GPHN: variants seen among roughly 807,000 people sequenced by gnomAD.
GPHN encodes the protein gephyrin.
A neutral mutation model predicts 95.5 loss-of-function variants in GPHN; 17 were observed. The ratio of observed to expected loss-of-function variants is 0.18; its 90% CI spans 0.12 to 0.27. GPHN has a LOEUF of 0.27. Among genes scored for constraint, GPHN ranks in the 10% least tolerant of loss-of-function variants. The pLI is 1.00. For missense variants in GPHN, 660 were observed against 978.1 expected, an observed-to-expected ratio of 0.67 and a Z score of 4.34; for synonymous variants, 320 against 322.5, an observed-to-expected ratio of 0.99 and a Z score of 0.08.
At chr14:67,692,982 C>A in the GPHN span, 2 of 1,614,134 alleles carry the variant, frequency 1.2e-6, no homozygotes, top group Non-Finnish European at 1.7e-6. Context: ...CCTGTATTAG[C>A]TCCTGTGACC....
the GPHN span, among the ~76,000 whole-genome samples, chr14:67,597,872 G>A: frequency 6.6e-6 from 1 of 152,126 alleles, no homozygotes; most frequent in African/African-American, 2.4e-5. Flanking sequence ...TTAGTTGAAA[G>A]GGAAGGGGGA....
intron 9 of GPHN, chr14:66,985,573 C>T (rs1031445198): frequency 5.8e-6 from 4 of 688,564 alleles, no homozygotes; most frequent in African/African-American, 5.4e-5. Flanking sequence ...AGAGCTACCA[C>T]AGAGAGTCAA....
At chr14:67,625,400 C>T in the GPHN span, among the ~76,000 whole-genome samples, 11 of 152,130 alleles carry the variant, frequency 7.2e-5, no homozygotes, top group East Asian at 1.5e-3. Flanking sequence ...AAGTGGGGGC[C>T]AGGCACGGTG....
chr14:67,416,574 A>G, the GPHN span, among the ~76,000 whole-genome samples: 1 of 152,244 alleles, frequency 6.6e-6, no homozygotes, highest in Non-Finnish European at 1.5e-5. Flanking sequence ...GCTATGCCCA[A>G]GGCCATCCAG....
chr14:67,352,898 C>T, the GPHN span: 5 of 1,496,554 alleles, frequency 3.3e-6, no homozygotes, highest in Non-Finnish European at 4.6e-6. Context: ...AAAATAAATA[C>T]TATTCTAAGA....
chr14:66,598,325 A>C (rs2062069574), intron 1 of GPHN, among the ~76,000 whole-genome samples: 1 of 152,152 alleles, frequency 6.6e-6, no homozygotes, highest in South Asian at 2.1e-4. Context: ...TATGTTAAAT[A>C]GCTTGATTTA....
intron 8 of GPHN, among the ~76,000 whole-genome samples, chr14:66,925,801 CTT>C (rs1164674571): frequency 6.6e-6 from 1 of 152,160 alleles, no homozygotes; most frequent in Non-Finnish European, 1.5e-5. Flanking sequence ...GTAGTTCTGT[CTT>C]TAGTTTTTTG....
intron 16 of GPHN, among the ~76,000 whole-genome samples, chr14:67,114,453 G>C (rs909700230): frequency 2.0e-5 from 3 of 152,182 alleles, no homozygotes; most frequent in Admixed American, 6.5e-5. Context: ...CATTTAGGGA[G>C]GCTGAAGCAG....
At chr14:66,924,631 C>G (rs1172479680) in intron 8 of GPHN, among the ~76,000 whole-genome samples, 3 of 152,142 alleles carry the variant, frequency 2.0e-5, no homozygotes, top group Non-Finnish European at 4.4e-5. Context: ...AAAATTACCT[C>G]TTAAGAGAAT....
the GPHN span, among the ~76,000 whole-genome samples, chr14:67,694,489 C>CACACAT: frequency 3.5e-5 from 5 of 144,230 alleles, no homozygotes; most frequent in South Asian, 2.2e-4. Context: ...CACACACACA[C>CACACAT]ATATATATAT....
At chr14:67,101,202 T>A (rs185804078) in intron 13 of GPHN, among the ~76,000 whole-genome samples, 4 of 151,712 alleles carry the variant, frequency 2.6e-5, no homozygotes, top group Admixed American at 6.6e-5. Flanking sequence ...AAAAAAAAAA[T>A]GTTCTGAATA....
At chr14:66,894,515 T>C (rs1302901026) in intron 5 of GPHN, among the ~76,000 whole-genome samples, 2 of 151,946 alleles carry the variant, frequency 1.3e-5, no homozygotes, top group Non-Finnish European at 2.9e-5. Flanking sequence ...ACAAATGGGA[T>C]CTAATTAAAC....
rs1281149000 is a variant in GPHN, at chr14:66,508,503, CAG to C, written c.-24_-23del. 1 of 1,611,570 alleles carries C rather than the reference CAG, an allele frequency of 6.2e-7. No homozygotes were observed. Among genetic ancestry groups the C allele is most frequent in the Non-Finnish European group, 8.5e-7 (1 of 1,177,674 alleles). ...GGCTCCGGTTTCTCCCGGCTCCTGT[CAG>C]TGCGGTGACTGCGCTGGGAAACATG... On this transcript the variant is annotated 5_prime_UTR_variant, in exon 1 of 23. Transcript: ENST00000478722.
chr14:67,561,692 A>C, the GPHN span, among the ~76,000 whole-genome samples: 1 of 151,868 alleles, frequency 6.6e-6, no homozygotes, highest in African/African-American at 2.4e-5. Flanking sequence ...ACATAGCGAG[A>C]GCTTGTCTCT....
chr14:67,598,157 G>T, the GPHN span, among the ~76,000 whole-genome samples: 2 of 152,108 alleles, frequency 1.3e-5, no homozygotes. Flanking sequence ...TCTCATTCCA[G>T]ATATTCATTA....
At chr14:67,638,652 G>A in the GPHN span, among the ~76,000 whole-genome samples, 16 of 152,032 alleles carry the variant, frequency 1.1e-4, no homozygotes, top group African/African-American at 3.6e-4. Flanking sequence ...TATTCTAGGG[G>A]GAAAAAAGAA....
At chr14:67,280,854 TC>T in the GPHN span, among the ~76,000 whole-genome samples, 70 of 100,922 alleles carry the variant, frequency 6.9e-4, no homozygotes, top group East Asian at 4.8e-3. Context: ...CTTCCTTCCT[TC>T]CCTCCCTCCC....
At chr14:67,035,752 C>G (rs906599951) in intron 10 of GPHN, among the ~76,000 whole-genome samples, 4 of 151,526 alleles carry the variant, frequency 2.6e-5, no homozygotes, top group African/African-American at 9.7e-5. Context: ...TAATCAAAAA[C>G]CTCCCCATAA....
At chr14:66,742,672 C>G (rs1312901599) in intron 2 of GPHN, among the ~76,000 whole-genome samples, 2 of 152,104 alleles carry the variant, frequency 1.3e-5, no homozygotes, top group Non-Finnish European at 2.9e-5. Context: ...ATTTTTCTTC[C>G]TGCTCTTTTT....
Sources: allele counts gnomAD v4.1 joint callset (sites outside exome capture counted in the v4.1 genomes callset), GRCh38; gene constraint gnomAD v4.1.1; transcripts MANE v1.5; gene names NCBI Gene and HGNC (gene_info 2026-07-23, HGNC 2026-07-21).